Variants in IGF1R observed in about 807,000 individuals in gnomAD.
The protein encoded by IGF1R is insulin-like growth factor 1 receptor.
A neutral mutation model predicts 144.6 loss-of-function variants in IGF1R; 44 were observed. That is an observed-to-expected ratio of 0.30 (90% CI 0.24 to 0.39). The LOEUF (loss-of-function observed/expected upper bound fraction) is 0.39, where lower values mean the gene tolerates loss of function less well. Among genes scored for constraint, IGF1R ranks in the 10% least tolerant of loss-of-function variants. The pLI is 1.00. For synonymous variants in IGF1R, 795 were observed against 722.8 expected (o/e 1.10, Z -1.60); for missense variants, 1,355 against 1,833.7 (o/e 0.74, Z 4.77).
chr15:98,907,450 T>C (rs1395885745), intron 5 of IGF1R, among the ~76,000 whole-genome samples: 2 of 152,194 alleles, frequency 1.3e-5, no homozygotes, highest in African/African-American at 4.8e-5. Context: ...CTTTCTCCTT[T>C]GTGTGTTTAT....
In IGF1R at chr15:98,933,839, C is replaced by G. The variant is rs1014134607; in HGVS notation, c.2957-985C>G. On this transcript the variant is annotated intron_variant, in intron 15 of 20. Transcript: ENST00000650285. ...ACGCTGGGCACCACCGGGTCTCTCCCTCAGTCTCAGAGCTCAGTTGCTTCT... is the reference window on the plus strand; with the variant it reads ...ACGCTGGGCACCACCGGGTCTCTCCGTCAGTCTCAGAGCTCAGTTGCTTCT... Among the ~76,000 whole-genome samples, 7 of 152,156 alleles carry G rather than the reference C, an allele frequency of 4.6e-5. No individual in the cohort carries two copies. In the East Asian group the frequency reaches 1.4e-3, roughly 29 times the overall value.
chr15:98,733,513 C>A (rs904792610), intron 2 of IGF1R, among the ~76,000 whole-genome samples: 4 of 151,238 alleles, frequency 2.6e-5, no homozygotes, highest in East Asian at 3.9e-4. Flanking sequence ...CCCTTCCAAA[C>A]CCCCATGTGG....
intron 18 of IGF1R, among the ~76,000 whole-genome samples, chr15:98,942,712 G>A (rs1213472631): frequency 6.6e-6 from 1 of 152,188 alleles, no homozygotes; most frequent in African/African-American, 2.4e-5. Context: ...TAAAAGTGGA[G>A]ATTGCTTGGT....
chr15:98,961,258 A>G lies in IGF1R; in HGVS notation c.*3816A>G, dbSNP rs1021910146. 15 of 233,506 alleles carry G rather than the reference A, an allele frequency of 6.4e-5. No homozygotes were observed. The Admixed American group carries it at 7.3e-4, about 11-fold the overall frequency. 14.5% of individuals were successfully genotyped at this position (233,506 alleles called of 1,614,324 possible). On this transcript the variant is annotated 3_prime_UTR_variant, in exon 21 of 21. Coordinates refer to ENST00000650285, the MANE Select transcript of IGF1R (RefSeq NM_000875.5). ...TACCGGTTTCCACAACTGGATTTCT[A>G]CAGATCATTCAGCTGGTTATAAGGG...
At chr15:98,882,729 C>T (rs773578653) in intron 2 of IGF1R, among the ~76,000 whole-genome samples, 3 of 152,144 alleles carry the variant, frequency 2.0e-5, no homozygotes, top group Non-Finnish European at 4.4e-5. Flanking sequence ...TACCCTAGTA[C>T]ATTAGGAAGT....
chr15:98,813,014 G>A (rs192567769), intron 2 of IGF1R, among the ~76,000 whole-genome samples: 17 of 152,304 alleles, frequency 1.1e-4, no homozygotes, highest in Non-Finnish European at 1.5e-5. Flanking sequence ...CGATAGTGCT[G>A]GTGAATTGGA....
intron 2 of IGF1R, among the ~76,000 whole-genome samples, chr15:98,864,521 C>T (rs1340303776): frequency 2.0e-5 from 3 of 152,198 alleles, no homozygotes; most frequent in African/African-American, 4.8e-5. Context: ...TCCTGAGTAA[C>T]TGCCACTACA....
At chr15:98,659,526 T>G (rs1276590666) in intron 1 of IGF1R, among the ~76,000 whole-genome samples, 2 of 152,204 alleles carry the variant, frequency 1.3e-5, no homozygotes, top group Non-Finnish European at 2.9e-5. Context: ...CAAGAAAATG[T>G]GGATACTACA....
chr15:98,693,540 G>T (rs1356510906), intron 1 of IGF1R, among the ~76,000 whole-genome samples: 1 of 152,178 alleles, frequency 6.6e-6, no homozygotes, highest in African/African-American at 2.4e-5. Context: ...GGGCACAGCG[G>T]CTTGCCTGCC....
intron 2 of IGF1R, among the ~76,000 whole-genome samples, chr15:98,737,357 A>G (rs993481023): frequency 1.2e-4 from 18 of 152,090 alleles, no homozygotes; most frequent in African/African-American, 4.1e-4. Flanking sequence ...TTGTCTTTCA[A>G]TGTGGAGATT....
At position 98,864,664 on chromosome 15, in the gene IGF1R, G is replaced by A. The variant is rs2012331236; in HGVS notation, c.641-26661G>A. On this transcript the variant is annotated intron_variant, in intron 2 of 20. Coordinates refer to ENST00000650285, the MANE Select transcript of IGF1R (RefSeq NM_000875.5). ...GCCTCCCAAAGGGCTGTGATTACAG[G>A]CGGGAGCCACAGCGCTCAGCCTAAA... is the stretch of plus-strand genomic sequence containing the variant. Among the ~76,000 whole-genome samples the A allele has an allele frequency of 2.0e-5, 3 of 152,336 alleles. No homozygotes were observed. In the South Asian group the frequency reaches 6.2e-4, roughly 32 times the overall value.
chr15:98,659,660 GGCAGA>G (rs1346161299), intron 1 of IGF1R, among the ~76,000 whole-genome samples: 1 of 152,130 alleles, frequency 6.6e-6, no homozygotes, highest in African/African-American at 2.4e-5. Context: ...GCAACTCCAT[GGCAGA>G]GCTGTTAACA....
chr15:98,963,654 C>CAT lies in IGF1R; in HGVS notation c.*6214_*6215dup, dbSNP rs975686696. The CAT allele has an allele frequency of 4.3e-6, 1 of 233,304 alleles. No homozygotes were observed. The highest frequency in any genetic ancestry group is 6.0e-5 in the East Asian group (1 of 16,604). 14.5% of individuals were successfully genotyped at this position (233,304 alleles called of 1,614,324 possible). ...ATGATTACAGCATACACAGTGATCA[C>CAT]ATAAACGATGACAGCTATGGGGCAC... On this transcript the variant is annotated 3_prime_UTR_variant, in exon 21 of 21. Coordinates refer to ENST00000650285, the MANE Select transcript of IGF1R (RefSeq NM_000875.5).
intron 2 of IGF1R, among the ~76,000 whole-genome samples, chr15:98,764,994 A>G (rs1267359966): frequency 6.6e-6 from 1 of 152,154 alleles, no homozygotes; most frequent in East Asian, 1.9e-4. Context: ...GCTCCTGGCA[A>G]CCACCAGTCT....
At position 98,704,695 on chromosome 15, in the gene IGF1R, C is replaced by T. The variant is rs138175738; in HGVS notation, c.95-2867C>T. Among the ~76,000 whole-genome samples the T allele has an allele frequency of 1.3e-3, 198 of 152,186 alleles. 2 individuals carry two copies. The highest frequency in any genetic ancestry group is 6.8e-3 in the Middle Eastern group (2 of 294). On this transcript the variant is annotated intron_variant, in intron 1 of 20. Coordinates refer to ENST00000650285, the MANE Select transcript of IGF1R (RefSeq NM_000875.5). This position sits in a 1 kb window ranked among gnomAD's most constrained non-coding sequence, Gnocchi z 4.9. ...TATAATTGTGAACCAACTGGAGCTG[C>T]GGTGAGAGAGACCATGAAAAGAAGG...
intron 1 of IGF1R, among the ~76,000 whole-genome samples, chr15:98,664,993 TGTC>T (rs1420119140): frequency 2.7e-5 from 4 of 149,072 alleles, no homozygotes; most frequent in African/African-American, 1.0e-4. Flanking sequence ...AATCTCGCTC[TGTC>T]GTCCAGGCTG....
At position 98,957,469 on chromosome 15, in the gene IGF1R, A is replaced by G; in HGVS notation, c.*27A>G. The G allele has an allele frequency of 6.2e-7, 1 of 1,612,296 alleles. No homozygotes were observed. The highest frequency in any genetic ancestry group is 8.5e-7 in the Non-Finnish European group (1 of 1,179,852). ...CCTTGGATCCTGAATCTGTGCAAAC[A>G]GTAACGTGTGCGCACGCGCAGCGGG... On this transcript the variant is annotated 3_prime_UTR_variant, in exon 21 of 21. Transcript: ENST00000650285.
chr15:98,868,848 T>A (rs1259926395), intron 2 of IGF1R, among the ~76,000 whole-genome samples: 1 of 152,208 alleles, frequency 6.6e-6, no homozygotes, highest in Non-Finnish European at 1.5e-5. Flanking sequence ...ACATTCATTC[T>A]TCCCTTCCCT....
At chr15:98,720,778 G>T (rs779360153) in intron 2 of IGF1R, among the ~76,000 whole-genome samples, 1 of 152,192 alleles carries the variant, frequency 6.6e-6, no homozygotes, top group Non-Finnish European at 1.5e-5. Flanking sequence ...ATTCATAAGT[G>T]CATATGAGAA....
Sources: allele counts gnomAD v4.1 joint callset (sites outside exome capture counted in the v4.1 genomes callset), GRCh38; gene constraint gnomAD v4.1.1; non-coding constraint Gnocchi (gnomAD v3.1); transcripts MANE v1.5; gene names NCBI Gene and HGNC (gene_info 2026-07-23, HGNC 2026-07-21).